Variants in CCDC50 observed in about 807,000 individuals in gnomAD.
CCDC50 encodes the protein coiled-coil domain-containing protein 50.
CCDC50 carries 54 observed loss-of-function variants against 70.2 expected under a neutral mutation model. That is an observed-to-expected ratio of 0.77 (90% CI 0.62 to 0.96). The LOEUF is 0.96. CCDC50 is among the 50% of genes least tolerant of loss of function. The pLI, the probability that CCDC50 is intolerant of heterozygous loss-of-function variation, is 0.00. For synonymous variants in CCDC50, 216 were observed against 198.8 expected (o/e 1.09, Z -0.73); for missense variants, 558 against 578.7 (o/e 0.96, Z 0.37).
At chr3:191,361,668 A>G (rs1255839059) in intron 4 of CCDC50, among the ~76,000 whole-genome samples, 2 of 152,210 alleles carry the variant, frequency 1.3e-5, no homozygotes, top group African/African-American at 4.8e-5. Flanking sequence ...CAAGGACATC[A>G]GTCATTGAAT....
chr3:191,336,457 A>G (rs1711524300), intron 1 of CCDC50, among the ~76,000 whole-genome samples: 1 of 151,872 alleles, frequency 6.6e-6, no homozygotes, highest in African/African-American at 2.4e-5. Flanking sequence ...CTGATTTGCT[A>G]TTCTTATATT....
chr3:191,376,136 A>T (rs1433009492), intron 6 of CCDC50, among the ~76,000 whole-genome samples: 1 of 152,194 alleles, frequency 6.6e-6, no homozygotes, highest in Non-Finnish European at 1.5e-5. Context: ...ATCAGCTGTT[A>T]ACTAACAATG....
At chr3:191,380,357 T>C in intron 7 of CCDC50, 83 bp downstream of exon 7, 2 of 856,386 alleles carry the variant, frequency 2.3e-6, no homozygotes, top group Non-Finnish European at 3.9e-6. Context: ...ATTATATTAA[T>C]AGTCCTCTAT....
At position 191,393,948 on chromosome 3, in the gene CCDC50, T is replaced by C. The variant is rs1713777921; in HGVS notation, c.*2188T>C. On this transcript the variant is annotated 3_prime_UTR_variant, in exon 12 of 12. Coordinates refer to ENST00000392455, the MANE Select transcript of CCDC50 (RefSeq NM_178335.3). ...TTTTTATTTCATAAATATTTATTTT[T>C]CTATCTCATACAATGATCAGTTTTA... The C allele has an allele frequency of 6.6e-6, 1 of 152,212 alleles. No individual in the cohort carries two copies. The highest frequency in any genetic ancestry group is 2.1e-4 in the South Asian group (1 of 4,832). 9.4% of individuals were successfully genotyped at this position (152,212 alleles called of 1,614,324 possible).
At chr3:191,330,329 A>ACAC in intron 1 of CCDC50, 1 of 148,532 alleles carries the variant, frequency 6.7e-6, no homozygotes, top group Non-Finnish European at 1.5e-5. Flanking sequence ...ACACACACAC[A>ACAC]ATAGTGAGCG....
chr3:191,344,568 T>C (rs1003887351), intron 1 of CCDC50, among the ~76,000 whole-genome samples: 1 of 152,074 alleles, frequency 6.6e-6, no homozygotes, highest in East Asian at 1.9e-4. Flanking sequence ...GGATGTCATT[T>C]CCTTTTGTTT....
chr3:191,332,359 AAGGG>A, intron 1 of CCDC50, among the ~76,000 whole-genome samples: 1 of 152,230 alleles, frequency 6.6e-6, no homozygotes, highest in African/African-American at 2.4e-5. Context: ...CTGGGAGACA[AAGGG>A]AAATGATTGA....
At chr3:191,354,772 G>A (rs993608839) in intron 1 of CCDC50, among the ~76,000 whole-genome samples, 1 of 152,088 alleles carries the variant, frequency 6.6e-6, no homozygotes, top group Admixed American at 6.5e-5. Flanking sequence ...GGGTGTAGAG[G>A]TGGTTCCAAG....
At chr3:191,335,019 A>T (rs1718095982) in intron 1 of CCDC50, among the ~76,000 whole-genome samples, 1 of 152,184 alleles carries the variant, frequency 6.6e-6, no homozygotes, top group African/African-American at 2.4e-5. Flanking sequence ...CATTCTAAAG[A>T]GGCTAATATT....
chr3:191,370,111 AGTG>A, intron 5 of CCDC50, 75 bp downstream of exon 5: 1 of 1,057,668 alleles, frequency 9.5e-7, no homozygotes, highest in Non-Finnish European at 1.5e-6. Flanking sequence ...TTGTTCATAA[AGTG>A]ACCTTAGGGA....
intron 1 of CCDC50, among the ~76,000 whole-genome samples, chr3:191,353,162 G>A (rs375895105): frequency 7.0e-6 from 1 of 142,006 alleles, no homozygotes; most frequent in Admixed American, 7.2e-5. Flanking sequence ...GGCTTTTAAT[G>A]TTCAAAAGAG....
At chr3:191,335,090 T>G (rs113090016) in intron 1 of CCDC50, among the ~76,000 whole-genome samples, 2 of 152,324 alleles carry the variant, frequency 1.3e-5, no homozygotes, top group African/African-American at 4.8e-5. Context: ...CCATGGTCTT[T>G]CCTCAGCCCT....
chr3:191,366,609 T>C (rs984442719), intron 4 of CCDC50, among the ~76,000 whole-genome samples: 2 of 152,162 alleles, frequency 1.3e-5, no homozygotes, highest in African/African-American at 4.8e-5. Flanking sequence ...CCTGAGTTTT[T>C]TTAAAATGTG....
At chr3:191,339,953 A>G (rs1220520966) in intron 1 of CCDC50, among the ~76,000 whole-genome samples, 1 of 152,258 alleles carries the variant, frequency 6.6e-6, no homozygotes, top group East Asian at 1.9e-4. Flanking sequence ...AGCAGCAGCA[A>G]TGAAGAAAGC....
intron 1 of CCDC50, among the ~76,000 whole-genome samples, chr3:191,338,807 G>A (rs1711610477): frequency 6.6e-6 from 1 of 152,194 alleles, no homozygotes; most frequent in Non-Finnish European, 1.5e-5. Context: ...AACACCTGAA[G>A]TCAGAGTGGT....
Position 191,395,951 on chromosome 3 carries a change from T to G in CCDC50, c.*4191T>G, listed in dbSNP as rs977812121. 6.6e-6 allele frequency: 1 copy of G among 152,168 alleles called. No individual in the cohort carries two copies. The highest frequency in any genetic ancestry group is 2.4e-5 in the African/African-American group (1 of 41,440). 9.4% of individuals were successfully genotyped at this position (152,168 alleles called of 1,614,324 possible). Reference sequence around the variant, plus strand: ...GTAATATGGGCAGGTAGAAGCAAACTGGAGACTGTCCTGTTAATGCTGCAT... The same window carrying G: ...GTAATATGGGCAGGTAGAAGCAAACGGGAGACTGTCCTGTTAATGCTGCAT... On this transcript the variant is annotated 3_prime_UTR_variant, in exon 12 of 12. Transcript: ENST00000392455.
chr3:191,396,629 T>C lies in CCDC50; in HGVS notation c.*4869T>C, dbSNP rs528480799. On this transcript the variant is annotated 3_prime_UTR_variant, in exon 12 of 12. Transcript: ENST00000392455. ...AGAATTTCACCAACACCCTTGTGTA[T>C]TGAAATGCTTAACCATTAACAGGGA... 1 of 152,336 alleles carries C rather than the reference T, an allele frequency of 6.6e-6. No homozygotes were observed. The highest frequency in any genetic ancestry group is 2.1e-4 in the South Asian group (1 of 4,828). The allele number at this position is 152,336 out of a possible 1,614,324, so 9.4% of individuals were successfully genotyped here.
At chr3:191,383,986 A>G (rs1713407648) in intron 10 of CCDC50, among the ~76,000 whole-genome samples, 1 of 152,126 alleles carries the variant, frequency 6.6e-6, no homozygotes, top group Non-Finnish European at 1.5e-5. Context: ...TTTAGGCTTA[A>G]TTCTGCAGTC....
At chr3:191,376,317 A>G (rs1482726013) in intron 6 of CCDC50, among the ~76,000 whole-genome samples, 1 of 152,202 alleles carries the variant, frequency 6.6e-6, no homozygotes, top group Non-Finnish European at 1.5e-5. Flanking sequence ...TTGGTGTTCT[A>G]AAGTACCAAT....
Sources: gnomAD v4.1 joint callset for allele counts (sites outside exome capture counted in the v4.1 genomes callset) on GRCh38, gnomAD v4.1.1 for gene constraint, MANE v1.5 for transcripts, NCBI Gene and HGNC (gene_info 2026-07-23, HGNC 2026-07-21) for gene names.